The following PSMD1 variants were observed in gnomAD, a reference collection of about 807,000 sequenced individuals.
The protein encoded by PSMD1 is 26S proteasome non-ATPase regulatory subunit 1.
A neutral mutation model predicts 119.0 loss-of-function variants in PSMD1; 18 were observed. The ratio of observed to expected loss-of-function variants is 0.15; its 90% CI spans 0.10 to 0.22. PSMD1 has a LOEUF of 0.22. Ranked by LOEUF, PSMD1 falls within the 10% of genes least tolerant of loss-of-function variation. PSMD1 has a pLI of 1.00. For synonymous variants in PSMD1, 374 were observed against 396.6 expected, an observed-to-expected ratio of 0.94 and a Z score of 0.68; for missense variants, 702 against 1,158.5, an observed-to-expected ratio of 0.61 and a Z score of 5.72.
At chr2:231,087,736 G>A (rs1694487421) in intron 16 of PSMD1, among the ~76,000 whole-genome samples, 1 of 152,152 alleles carries the variant, frequency 6.6e-6, no homozygotes, top group African/African-American at 2.4e-5. Flanking sequence ...GCCGAGGAAG[G>A]CGGATCACGA....
rs542787792 is a variant in PSMD1, at chr2:231,104,785, G to A, written c.1883+17604G>A. ...CTTTTTGAGTGGCTGTGATAAAACAGCTTTATTCTTAATTTTCCTTATTAA... is the reference window on the plus strand; with the variant it reads ...CTTTTTGAGTGGCTGTGATAAAACAACTTTATTCTTAATTTTCCTTATTAA... On this transcript the variant is annotated intron_variant, in intron 16 of 24. Transcript: ENST00000308696. Among the ~76,000 whole-genome samples the A allele has an allele frequency of 1.1e-3, 167 of 152,208 alleles. 1 individual carries two copies. The highest frequency in any genetic ancestry group is 3.4e-3 in the African/African-American group (140 of 41,558).
intron 16 of PSMD1, among the ~76,000 whole-genome samples, chr2:231,124,742 C>T (rs147353788): frequency 7.2e-4 from 109 of 151,940 alleles, no homozygotes; most frequent in Non-Finnish European, 1.2e-3. Context: ...ATTTTTTTAA[C>T]CTTCCCAGTT....
intron 16 of PSMD1, among the ~76,000 whole-genome samples, chr2:231,113,135 G>A (rs529636206): frequency 6.6e-6 from 1 of 152,254 alleles, no homozygotes; most frequent in African/African-American, 2.4e-5. Context: ...TTGCACTCTA[G>A]CCTGGGTGAC....
chr2:231,077,761 G>T (rs968149541), intron 9 of PSMD1, among the ~76,000 whole-genome samples: 2 of 151,784 alleles, frequency 1.3e-5, no homozygotes, highest in African/African-American at 4.8e-5. Context: ...CTTCCTTCTC[G>T]CTCTCTTATT....
At chr2:231,155,607 A>T (rs894194712) in intron 19 of PSMD1, among the ~76,000 whole-genome samples, 1 of 150,806 alleles carries the variant, frequency 6.6e-6, no homozygotes, top group Admixed American at 6.6e-5. Flanking sequence ...CTTTTTTTGT[A>T]AATTCTTTAT....
intron 16 of PSMD1, among the ~76,000 whole-genome samples, chr2:231,109,807 A>C (rs1695093819): frequency 6.6e-6 from 1 of 152,158 alleles, no homozygotes; most frequent in African/African-American, 2.4e-5. Flanking sequence ...GTTGATCTAG[A>C]GGCACTTCAG....
chr2:231,096,877 G>C (rs989310637), intron 16 of PSMD1, among the ~76,000 whole-genome samples: 1 of 152,212 alleles, frequency 6.6e-6, no homozygotes, highest in African/African-American at 2.4e-5. Flanking sequence ...AGAGCAGGTA[G>C]CAGGTAATTG....
Position 231,062,262 on chromosome 2 carries a change from C to T in PSMD1, c.75C>T (p.His25=). The change falls in exon 3 of 25, where the codon CAC becomes CAT. Residue 25 remains histidine, a synonymous_variant. Transcript: ENST00000308696. ...ATCTTTTACAGGAATTTGCACTACA[C>T]AAATTGAATGCAGTTGTTAATGACT... is the stretch of plus-strand genomic sequence containing the variant. ...DEPQLKEFAL[H]KLNAVVNDFW... is the part of the protein sequence containing the mutation. The T allele has an allele frequency of 6.2e-7, 1 of 1,612,568 alleles. No homozygotes were observed.
chr2:231,103,365 C>T (rs1309000673), intron 16 of PSMD1, among the ~76,000 whole-genome samples: 2 of 152,202 alleles, frequency 1.3e-5, no homozygotes, highest in African/African-American at 4.8e-5. Context: ...AATATTTACC[C>T]AAGTCTACTA....
At position 231,075,603 on chromosome 2, in the gene PSMD1, A is replaced by G. The variant is rs969529054; in HGVS notation, c.942+32A>G. The G allele has an allele frequency of 6.3e-6, 10 of 1,595,278 alleles. No individual in the cohort carries two copies. The African/African-American group carries it at 1.2e-4, about 19-fold the overall frequency. On this transcript the variant is annotated intron_variant, in intron 8 of 24. Transcript: ENST00000308696. Reference sequence around the variant, plus strand: ...GTGCTTTTTTTTTTTCCTTTGAGACAGGGTCCTGATCTGTCACCCAGGCTA... The same window carrying G: ...GTGCTTTTTTTTTTTCCTTTGAGACGGGGTCCTGATCTGTCACCCAGGCTA...
chr2:231,151,882 G>T (rs1211782229), intron 18 of PSMD1, among the ~76,000 whole-genome samples: 1 of 145,648 alleles, frequency 6.9e-6, no homozygotes, highest in Admixed American at 7.1e-5. Flanking sequence ...GCACGATCTC[G>T]GTTCACTGCA....
chr2:231,132,948 T>G (rs1695886074), intron 16 of PSMD1, among the ~76,000 whole-genome samples: 3 of 152,176 alleles, frequency 2.0e-5, no homozygotes, highest in Admixed American at 1.3e-4. Context: ...GATACGAGTT[T>G]CCTAGGTATG....
At position 231,170,761 on chromosome 2, in the gene PSMD1, C is replaced by A; in HGVS notation, c.*9+40C>A. On this transcript the variant is annotated intron_variant, in intron 24 of 24. Coordinates refer to ENST00000308696, the MANE Select transcript of PSMD1 (RefSeq NM_002807.4). This position sits in a 1 kb window ranked among gnomAD's most constrained non-coding sequence, Gnocchi z 4.1. ...AAATTATGAAGGGAAACTTCTTTGT[C>A]AATACTTCACAAATGTTTTTTGCAA... The A allele has an allele frequency of 6.6e-7, 1 of 1,506,300 alleles. No individual in the cohort carries two copies. The highest frequency in any genetic ancestry group is 1.4e-5 in the South Asian group (1 of 73,850). 93.3% of individuals were successfully genotyped at this position (1,506,300 alleles called of 1,614,324 possible). A position where few individuals can be genotyped will look rare whatever the true frequency, so the allele number is the denominator to read the frequency against.
chr2:231,146,854 G>A (rs113420060), intron 18 of PSMD1, among the ~76,000 whole-genome samples: 79 of 152,274 alleles, frequency 5.2e-4, no homozygotes, highest in African/African-American at 1.8e-3. Flanking sequence ...CCTCCTAGGC[G>A]ATCTTTTTGG....
At chr2:231,108,292 A>G (rs1695025135) in intron 16 of PSMD1, 1 of 455,292 alleles carries the variant, frequency 2.2e-6, no homozygotes, top group Non-Finnish European at 3.9e-6. Flanking sequence ...TTAAAATTTA[A>G]CCAGAGTGCT....
intron 16 of PSMD1, among the ~76,000 whole-genome samples, chr2:231,117,209 G>A (rs370750500): frequency 1.8e-4 from 27 of 151,890 alleles, no homozygotes; most frequent in East Asian, 1.2e-3. Context: ...ATTTCAAAAC[G>A]TTTATTTTAG....
At position 231,118,451 on chromosome 2, in the gene PSMD1, A is replaced by G. The variant is rs543635720; in HGVS notation, c.1884-20285A>G. Reference sequence around the variant, plus strand: ...GGCTGAGAACAGTTAACTCTGTTTAACTTTCAATTGAATTTGTCATAAAAG... The same window carrying G: ...GGCTGAGAACAGTTAACTCTGTTTAGCTTTCAATTGAATTTGTCATAAAAG... On this transcript the variant is annotated intron_variant, in intron 16 of 24. Coordinates refer to ENST00000308696, the MANE Select transcript of PSMD1 (RefSeq NM_002807.4). 3.9e-5 allele frequency among the ~76,000 whole-genome samples: 6 copies of G among 152,276 alleles called. No homozygotes were observed. The South Asian group carries it at 1.2e-3, about 32-fold the overall frequency.
In PSMD1 at chr2:231,056,944, G is replaced by C. The variant is rs1175097299; in HGVS notation, c.-82G>C. ...CACCCGGGGAGCAAGGAGGCGCGGT[G>C]AACTGAGCGGCCCCTGAGCTGACAG... On this transcript the variant is annotated 5_prime_UTR_variant, in exon 1 of 25. Transcript: ENST00000308696. The C allele has an allele frequency of 5.9e-6, 9 of 1,525,254 alleles. No homozygotes were observed. The East Asian group carries it at 1.8e-4, about 30-fold the overall frequency. The allele number at this position is 1,525,254 out of a possible 1,614,324, so 94.5% of individuals were successfully genotyped here.
At chr2:231,158,505 T>TGA (rs1696561910) in intron 19 of PSMD1, among the ~76,000 whole-genome samples, 2 of 152,202 alleles carry the variant, frequency 1.3e-5, no homozygotes, top group Admixed American at 1.3e-4. Flanking sequence ...ACCTTATTTA[T>TGA]TAAATCTCAG....
Sources: allele counts gnomAD v4.1 joint callset (sites outside exome capture counted in the v4.1 genomes callset), GRCh38; gene constraint gnomAD v4.1.1; non-coding constraint Gnocchi (gnomAD v3.1); transcripts MANE v1.5; gene names NCBI Gene and HGNC (gene_info 2026-07-23, HGNC 2026-07-21).